CACNA1A: variants seen among roughly 807,000 people sequenced by gnomAD.
CACNA1A encodes voltage-dependent P/Q-type calcium channel subunit alpha-1A.
In CACNA1A, 57 loss-of-function variants were observed where a neutral mutation model predicts 262.4. That is an observed-to-expected ratio of 0.22 (90% CI 0.18 to 0.27). CACNA1A has a LOEUF of 0.27. CACNA1A is among the 10% of genes least tolerant of loss of function. The pLI is 1.00. For synonymous variants in CACNA1A, 1,431 were observed against 1,419.3 expected (o/e 1.01, Z -0.18); for missense variants, 2,526 against 3,562.8 (o/e 0.71, Z 7.41).
intron 1 of CACNA1A, among the ~76,000 whole-genome samples, chr19:13,490,082 C>T (rs888086577): frequency 2.6e-5 from 4 of 152,208 alleles, no homozygotes; most frequent in Admixed American, 1.3e-4. Flanking sequence ...CGTCCCAGTG[C>T]CCATGCCAAG....
chr19:13,463,368 C>T (rs577693952), intron 1 of CACNA1A, among the ~76,000 whole-genome samples: 1 of 152,110 alleles, frequency 6.6e-6, no homozygotes, highest in South Asian at 2.1e-4. Flanking sequence ...CAGACATGGG[C>T]TTTAAAATCT....
intron 19 of CACNA1A, among the ~76,000 whole-genome samples, chr19:13,292,512 G>C (rs963121508): frequency 6.6e-6 from 1 of 152,084 alleles, no homozygotes; most frequent in African/African-American, 2.4e-5. Context: ...TGCTCGGGAG[G>C]CTGAGGTGGG....
At chr19:13,385,059 AT>A (rs1303677020) in intron 3 of CACNA1A, among the ~76,000 whole-genome samples, 1 of 152,126 alleles carries the variant, frequency 6.6e-6, no homozygotes, top group Non-Finnish European at 1.5e-5. Flanking sequence ...ACAGATTTAA[AT>A]TCATTTAAAT....
At chr19:13,251,053 A>G (rs771182216) in intron 30 of CACNA1A, among the ~76,000 whole-genome samples, 3 of 149,572 alleles carry the variant, frequency 2.0e-5, no homozygotes, top group Non-Finnish European at 4.4e-5. Context: ...AATCGCTTGA[A>G]CCCAGGAGGT....
chr19:13,487,148 C>T (rs1332173725), intron 1 of CACNA1A, among the ~76,000 whole-genome samples: 1 of 152,184 alleles, frequency 6.6e-6, no homozygotes, highest in Admixed American at 6.5e-5. Context: ...CAAACACTCC[C>T]AGCATCACAA....
At chr19:13,432,550 C>T (rs2060529301) in intron 3 of CACNA1A, among the ~76,000 whole-genome samples, 1 of 151,888 alleles carries the variant, frequency 6.6e-6, no homozygotes, top group South Asian at 2.1e-4. Context: ...AGATATTAGG[C>T]AAAGGATACA....
chr19:13,375,883 T>G lies in CACNA1A; in HGVS notation c.540-4104A>C, dbSNP rs73505127. On this transcript the variant is annotated intron_variant, in intron 3 of 46. Transcript: ENST00000360228. ...AATTACTGAAGGAAATTAAAAGGGC[T>G]ACTCTAGTAAACACATGAATGATAA... Among the ~76,000 whole-genome samples, 948 of 152,298 alleles carry G rather than the reference T, an allele frequency of 6.2e-3. 10 individuals carry two copies. Among genetic ancestry groups the G allele is most frequent in the African/African-American group, 0.021 (885 of 41,576 alleles).
At chr19:13,349,027 A>AAGAG (rs1555771361) in intron 6 of CACNA1A, among the ~76,000 whole-genome samples, 1 of 137,740 alleles carries the variant, frequency 7.3e-6, no homozygotes, top group Non-Finnish European at 1.5e-5. Flanking sequence ...AAAAAAAAAA[A>AAGAG]AGAGAGACAA....
chr19:13,212,827 T>TATACACAC lies in CACNA1A; in HGVS notation c.5941-88_5941-87insGTGTGTAT. The TATACACAC allele has an allele frequency of 1.9e-6, 1 of 517,668 alleles. No individual in the cohort carries two copies. Among genetic ancestry groups the TATACACAC allele is most frequent in the Non-Finnish European group, 3.4e-6 (1 of 296,156 alleles). 32.1% of individuals were successfully genotyped at this position (517,668 alleles called of 1,614,324 possible). On this transcript the variant is annotated intron_variant, in intron 40 of 46. Transcript: ENST00000360228. This position sits in a 1 kb window ranked among gnomAD's most constrained non-coding sequence, Gnocchi z 5.6. ...AGAAGGCATTGCGACATCCCCAGTA[T>TATACACAC]ACACACACACACACACACACACTCT...
At chr19:13,286,284 A>C (rs975803799) in intron 20 of CACNA1A, among the ~76,000 whole-genome samples, 8 of 152,110 alleles carry the variant, frequency 5.3e-5, no homozygotes, top group African/African-American at 1.9e-4. Context: ...AGATATTGCT[A>C]ACCCGACTGA....
At position 13,214,349 on chromosome 19, in the gene CACNA1A, C is replaced by T. The variant is rs771333825; in HGVS notation, c.5840-16G>A. The T allele has an allele frequency of 5.6e-6, 9 of 1,611,164 alleles. No individual in the cohort carries two copies. The highest frequency in any genetic ancestry group is 2.7e-5 in the African/African-American group (2 of 74,906). On this transcript the variant is annotated splice_polypyrimidine_tract_variant and intron_variant, in intron 39 of 46. Transcript: ENST00000360228. This position sits in a 1 kb window ranked among gnomAD's most constrained non-coding sequence, Gnocchi z 4.1. ...AGGTCCGTGGCTGGGGGCACACACA[C>T]GGTGAGCTCACCAAGGGCAGGCCTC...
At chr19:13,302,691 GCCCTCGGC>G (rs2057810994) in intron 17 of CACNA1A, among the ~76,000 whole-genome samples, 1 of 152,196 alleles carries the variant, frequency 6.6e-6, no homozygotes, top group African/African-American at 2.4e-5. Flanking sequence ...GGCTGGATCA[GCCCTCGGC>G]TCAGCCATGC....
intron 31 of CACNA1A, 155 bp downstream of exon 31, chr19:13,245,027 C>T (rs530259601): frequency 5.2e-5 from 34 of 647,952 alleles, no homozygotes; most frequent in Non-Finnish European, 6.3e-5. Flanking sequence ...CCCTTGTCCC[C>T]GGGGCCCCAG....
In CACNA1A at chr19:13,379,450, G is replaced by A. The variant is rs576018907; in HGVS notation, c.540-7671C>T. Among the ~76,000 whole-genome samples, 112 of 152,262 alleles carry A rather than the reference G, an allele frequency of 7.4e-4. 1 individual carries two copies. Among genetic ancestry groups the A allele is most frequent in the African/African-American group, 2.4e-3 (100 of 41,554 alleles). On this transcript the variant is annotated intron_variant, in intron 3 of 46. Coordinates refer to ENST00000360228, the MANE Select transcript of CACNA1A (RefSeq NM_001127222.2). ...GGCGACCTGGAACCAAACCAGCAGTGTCTCTGAGGTATACCTGTATGACAG... is the reference window on the plus strand; with the variant it reads ...GGCGACCTGGAACCAAACCAGCAGTATCTCTGAGGTATACCTGTATGACAG...
chr19:13,487,023 C>T (rs1980089551), intron 1 of CACNA1A, among the ~76,000 whole-genome samples: 1 of 152,128 alleles, frequency 6.6e-6, no homozygotes, highest in African/African-American at 2.4e-5. Context: ...ATGGCATGGC[C>T]CACCGTGGTT....
At chr19:13,306,348 G>A (rs2057902603) in intron 15 of CACNA1A, among the ~76,000 whole-genome samples, 1 of 152,160 alleles carries the variant, frequency 6.6e-6, no homozygotes, top group Admixed American at 6.5e-5. Flanking sequence ...GGTATCTTCA[G>A]ATTTGATGGG....
At chr19:13,448,376 G>C (rs1241248418) in intron 3 of CACNA1A, among the ~76,000 whole-genome samples, 1 of 152,182 alleles carries the variant, frequency 6.6e-6, no homozygotes, top group African/African-American at 2.4e-5. Flanking sequence ...GGAGGAAGAT[G>C]ATCAAGAAAA....
chr19:13,368,696 C>A (rs973613938), intron 4 of CACNA1A, among the ~76,000 whole-genome samples: 33 of 152,136 alleles, frequency 2.2e-4, no homozygotes, highest in Non-Finnish European at 4.4e-4. Context: ...GAGAGGGAAG[C>A]TGTCAGGATA....
At chr19:13,259,138 A>AT (rs2056651405) in intron 27 of CACNA1A, 1 of 65,288 alleles carries the variant, frequency 1.5e-5, no homozygotes, top group Admixed American at 1.6e-4. Context: ...ATTCAGCCTC[A>AT]CTTTTTTTTT....
Sources: allele counts gnomAD v4.1 joint callset (sites outside exome capture counted in the v4.1 genomes callset), GRCh38; gene constraint gnomAD v4.1.1; non-coding constraint Gnocchi (gnomAD v3.1); transcripts MANE v1.5; gene names NCBI Gene and HGNC (gene_info 2026-07-23, HGNC 2026-07-21).